The following RGS6 variants were observed in gnomAD, a reference collection of about 807,000 sequenced individuals.
RGS6 encodes the protein regulator of G-protein signaling 6.
RGS6 carries 30 observed loss-of-function variants against 78.5 expected under a neutral mutation model. The observed-to-expected ratio is 0.38, with a 90% CI of 0.29 to 0.52. The LOEUF (loss-of-function observed/expected upper bound fraction) is 0.52. Among genes scored for constraint, RGS6 ranks in the 20% least tolerant of loss-of-function variants. The probability of loss-of-function intolerance (pLI) is 0.85; values close to 1 mark genes in which losing one functional copy is unlikely to be tolerated. For missense variants in RGS6, 495 were observed against 609.7 expected (o/e 0.81, Z 1.98); for synonymous variants, 206 against 206.0 (o/e 1.00, Z 0.00).
chr14:72,244,480 G>C (rs2053715072), intron 2 of RGS6, among the ~76,000 whole-genome samples: 2 of 152,172 alleles, frequency 1.3e-5, no homozygotes, highest in Non-Finnish European at 2.9e-5. Context: ...GAAGGGACGT[G>C]ACTGCACCGG....
At chr14:72,424,798 G>T (rs1264252119) in intron 3 of RGS6, among the ~76,000 whole-genome samples, 2 of 152,002 alleles carry the variant, frequency 1.3e-5, no homozygotes, top group Admixed American at 6.6e-5. Context: ...TCTGAGTTCT[G>T]GGGGGGCAAT....
chr14:72,093,156 C>T (rs2095319253), intron 2 of RGS6, among the ~76,000 whole-genome samples: 2 of 152,170 alleles, frequency 1.3e-5, no homozygotes, highest in Non-Finnish European at 2.9e-5. Flanking sequence ...ATCTCTTTCT[C>T]CTTCCCTCTT....
At chr14:72,613,831 G>A in the RGS6 span, among the ~76,000 whole-genome samples, 1 of 152,176 alleles carries the variant, frequency 6.6e-6, no homozygotes, top group Non-Finnish European at 1.5e-5. Flanking sequence ...TGGAGGGGGC[G>A]CCCGCCGCAC....
chr14:72,501,253 A>G (rs949008654), intron 13 of RGS6, among the ~76,000 whole-genome samples: 1 of 152,190 alleles, frequency 6.6e-6, no homozygotes, highest in African/African-American at 2.4e-5. Context: ...CAAATGGAGG[A>G]TGGCCATAGC....
chr14:72,215,269 G>A (rs1298594535), intron 2 of RGS6, among the ~76,000 whole-genome samples: 1 of 152,160 alleles, frequency 6.6e-6, no homozygotes, highest in African/African-American at 2.4e-5. Flanking sequence ...TGACCTTCAT[G>A]CAGACCATCA....
intron 3 of RGS6, among the ~76,000 whole-genome samples, chr14:72,394,177 G>A (rs2090624641): frequency 6.6e-6 from 1 of 152,086 alleles, no homozygotes; most frequent in South Asian, 2.1e-4. Context: ...AAGGGAAAGA[G>A]TACAAAGAGA....
chr14:72,067,700 A>G (rs2094217753), intron 2 of RGS6, among the ~76,000 whole-genome samples: 1 of 151,980 alleles, frequency 6.6e-6, no homozygotes. Context: ...AAAATAAAAT[A>G]AAGTTTATTT....
intron 2 of RGS6, among the ~76,000 whole-genome samples, chr14:71,998,984 A>G (rs1211389114): frequency 6.6e-6 from 1 of 152,212 alleles, no homozygotes; most frequent in African/African-American, 2.4e-5. Flanking sequence ...TAATCCCAGC[A>G]CTTTGGGAGG....
At chr14:72,326,170 T>C (rs1321328707) in intron 2 of RGS6, among the ~76,000 whole-genome samples, 1 of 152,198 alleles carries the variant, frequency 6.6e-6, no homozygotes, top group Non-Finnish European at 1.5e-5. Context: ...CTGGCCAATA[T>C]ACATTCATTA....
At chr14:72,419,946 G>A (rs1385400504) in intron 3 of RGS6, among the ~76,000 whole-genome samples, 1 of 152,214 alleles carries the variant, frequency 6.6e-6, no homozygotes, top group Non-Finnish European at 1.5e-5. Context: ...CCCCCTAAGG[G>A]TGTGAGACAG....
intron 2 of RGS6, among the ~76,000 whole-genome samples, chr14:72,164,626 A>G (rs988166236): frequency 3.3e-5 from 5 of 152,230 alleles, no homozygotes; most frequent in Non-Finnish European, 5.9e-5. Flanking sequence ...TCAGACAACT[A>G]TGAAGTGGCA....
At chr14:72,101,690 G>A (rs976109074) in intron 2 of RGS6, among the ~76,000 whole-genome samples, 1 of 152,170 alleles carries the variant, frequency 6.6e-6, no homozygotes, top group Non-Finnish European at 1.5e-5. Flanking sequence ...GTGCATCTCT[G>A]TTCCCAAGTA....
chr14:71,995,575 G>A (rs1555423110), intron 2 of RGS6, among the ~76,000 whole-genome samples: 1 of 152,196 alleles, frequency 6.6e-6, no homozygotes, highest in Non-Finnish European at 1.5e-5. Context: ...TTCCCAGTCT[G>A]TAAATGGAGA....
intron 2 of RGS6, among the ~76,000 whole-genome samples, chr14:72,187,456 T>A (rs1401103145): frequency 1.3e-5 from 2 of 152,198 alleles, no homozygotes; most frequent in Non-Finnish European, 1.5e-5. Flanking sequence ...CATGGTTCCT[T>A]AGGTTAGATG....
chr14:72,155,673 C>T (rs1340769690), intron 2 of RGS6, among the ~76,000 whole-genome samples: 3 of 152,214 alleles, frequency 2.0e-5, no homozygotes, highest in African/African-American at 7.2e-5. Flanking sequence ...TCACTGTAAG[C>T]CATTTTTAAA....
intron 3 of RGS6, among the ~76,000 whole-genome samples, chr14:72,392,174 A>T (rs1361393547): frequency 6.7e-6 from 1 of 148,794 alleles, no homozygotes; most frequent in Non-Finnish European, 1.5e-5. Context: ...ATATATATAC[A>T]CATACATACA....
intron 3 of RGS6, chr14:72,421,762 A>G (rs1238805499): frequency 6.6e-6 from 1 of 152,072 alleles, no homozygotes; most frequent in African/African-American, 2.4e-5. Flanking sequence ...GGGCAGTTGC[A>G]CCCCTTATCG....
chr14:71,884,639 G>A, the RGS6 span, among the ~76,000 whole-genome samples: 1 of 152,168 alleles, frequency 6.6e-6, no homozygotes, highest in Non-Finnish European at 1.5e-5. Context: ...TGTCTTCTAA[G>A]CCAAGACACA....
At chr14:72,359,747 A>G (rs1379303954) in intron 3 of RGS6, among the ~76,000 whole-genome samples, 2 of 152,230 alleles carry the variant, frequency 1.3e-5, no homozygotes, top group Non-Finnish European at 2.9e-5. Flanking sequence ...CTTGGACACC[A>G]ATTTTTCTAG....
Sources: gnomAD v4.1 joint callset for allele counts (sites outside exome capture counted in the v4.1 genomes callset) on GRCh38, gnomAD v4.1.1 for gene constraint, MANE v1.5 for transcripts, NCBI Gene and HGNC (gene_info 2026-07-23, HGNC 2026-07-21) for gene names.